The following FRMD1 variants were observed in gnomAD, a reference collection of about 807,000 sequenced individuals.
FRMD1 encodes the protein FERM domain containing 1.
Under a neutral mutation model 54.9 loss-of-function variants are expected in FRMD1, and 51 were observed. The observed-to-expected ratio is 0.93, with a 90% confidence interval of 0.74 to 1.17. The LOEUF is 1.17. FRMD1 is among the 50% of genes most tolerant of loss of function. The pLI, the probability that FRMD1 is intolerant of heterozygous loss-of-function variation, is 0.00. For missense variants in FRMD1, 729 were observed against 743.0 expected (o/e 0.98, Z 0.22); for synonymous variants, 324 against 306.4 (o/e 1.06, Z -0.60).
chr6:168,073,850 C>T (rs948685735), intron 2 of FRMD1, among the ~76,000 whole-genome samples: 5 of 152,146 alleles, frequency 3.3e-5, no homozygotes, highest in Admixed American at 1.3e-4. Flanking sequence ...CCGGCTCACT[C>T]ACTCCCCTAG....
intron 1 of FRMD1, chr6:168,075,729 GGT>G (rs1562426971): frequency 6.5e-7 from 1 of 1,536,532 alleles, no homozygotes; most frequent in East Asian, 2.5e-5. Flanking sequence ...CGCGAGCATC[GGT>G]GTCTCACATC....
In FRMD1 at chr6:168,060,997, C is replaced by G; in HGVS notation, c.1106G>C (p.Arg369Thr). 14 of 1,613,190 alleles carry G rather than the reference C, an allele frequency of 8.7e-6. No individual in the cohort carries two copies. The highest frequency in any genetic ancestry group is 1.1e-5 in the Non-Finnish European group (13 of 1,179,988). ...SDELELDLAS[R>T]SFPGSGVSSQ... ...GCTGACCCCACTGCCCGGGAAGCTCCTGCTGGCCAGGTCCAGCTCCAGCTC... is the reference window on the plus strand; with the variant it reads ...GCTGACCCCACTGCCCGGGAAGCTCGTGCTGGCCAGGTCCAGCTCCAGCTC... The change falls in exon 9 of 11, where the codon AGG becomes ACG. Residue 369 changes from arginine to threonine, a missense_variant. Coordinates refer to ENST00000283309, the MANE Select transcript of FRMD1 (RefSeq NM_024919.6).
upstream of FRMD1, among the ~76,000 whole-genome samples, chr6:168,083,472 G>A (rs1800871280): frequency 6.6e-6 from 1 of 152,260 alleles, no homozygotes; most frequent in Non-Finnish European, 1.5e-5. Flanking sequence ...TAAGTGCCAT[G>A]AAACCAGAAC....
At position 168,055,014 on chromosome 6, in the gene FRMD1, CT is replaced by C. The variant is rs1308387539; in HGVS notation, c.*2082del. ...TACCCTGAACACCAGAGATTAGAGT[CT>C]TTGGAGCAGCCCTACCCGGTAGTTA... On this transcript the variant is annotated 3_prime_UTR_variant, in exon 11 of 11. Transcript: ENST00000283309. 1.3e-5 allele frequency: 2 copies of C among 152,242 alleles called. No homozygotes were observed. The highest frequency in any genetic ancestry group is 2.9e-5 in the Non-Finnish European group (2 of 68,054). 9.4% of individuals were successfully genotyped at this position (152,242 alleles called of 1,614,324 possible).
intron 1 of FRMD1, among the ~76,000 whole-genome samples, chr6:168,088,735 C>T (rs760027771): frequency 1.3e-5 from 2 of 152,062 alleles, no homozygotes; most frequent in Non-Finnish European, 2.9e-5. Context: ...GACAGAACCC[C>T]CAGGCTACCC....
intron 7 of FRMD1, 181 bp downstream of exon 7, chr6:168,062,713 C>G: frequency 6.4e-7 from 1 of 1,552,818 alleles, no homozygotes; most frequent in Non-Finnish European, 8.7e-7. Flanking sequence ...GGAGGTCGTA[C>G]AGCAGCTGCG....
chr6:168,082,214 C>T (rs1238337077), upstream of FRMD1, among the ~76,000 whole-genome samples: 1 of 152,266 alleles, frequency 6.6e-6, no homozygotes. Flanking sequence ...TTCTGCACGT[C>T]ACAGACCCAG....
At chr6:168,086,249 C>G (rs958565937), upstream of FRMD1, among the ~76,000 whole-genome samples, 1 of 147,108 alleles carries the variant, frequency 6.8e-6, no homozygotes, top group African/African-American at 2.7e-5. Flanking sequence ...GTGTGGACAC[C>G]CGCGTCCCCA....
chr6:168,065,195 C>A lies in FRMD1; in HGVS notation c.462-138G>T, dbSNP rs115795889. On this transcript the variant is annotated intron_variant, in intron 4 of 10. Coordinates refer to ENST00000283309, the MANE Select transcript of FRMD1 (RefSeq NM_024919.6). ...GTACCTAGTTCCTGTCTTGTTATACCCACAGCTGTGTCCCTGCAGGGCCAG... is the reference window on the plus strand; with the variant it reads ...GTACCTAGTTCCTGTCTTGTTATACACACAGCTGTGTCCCTGCAGGGCCAG... 1.1e-3 allele frequency: 1,518 copies of A among 1,427,490 alleles called. 13 individuals carry two copies. In the African/African-American group the frequency reaches 0.019, roughly 18 times the overall value. The allele number at this position is 1,427,490 out of a possible 1,614,324, so 88.4% of individuals were successfully genotyped here. A position where few individuals can be genotyped will look rare whatever the true frequency, so the allele number is the denominator to read the frequency against.
chr6:168,067,396 A>C lies in FRMD1; in HGVS notation c.355T>G (p.Ser119Ala), dbSNP rs1225590566. The change falls in exon 3 of 11, where the codon TCA becomes GCA. Residue 119 changes from serine (S) to alanine (A), a missense_variant. Ser to Ala is a moderately conservative substitution (Grantham distance 99, BLOSUM62 1). Coordinates refer to ENST00000283309, the MANE Select transcript of FRMD1 (RefSeq NM_024919.6). ...TTTCTTTCTTTCTTCCAATCTTTTG[A>C]GAAGTACTTGCTGAGCTTTTGCTCC... is the stretch of plus-strand genomic sequence containing the variant. ...DLEQKLSKYF[S>A]KDWKKERNEG... 6.2e-7 allele frequency: 1 copy of C among 1,605,986 alleles called. No individual in the cohort carries two copies.
At chr6:168,065,866 G>A in intron 4 of FRMD1, 1 of 1,000,206 alleles carries the variant, frequency 1.0e-6, no homozygotes. Flanking sequence ...AACCCCCTTA[G>A]GTTTTCCCCC....
chr6:168,057,555 C>T, intron 10 of FRMD1: 1 of 619,500 alleles, frequency 1.6e-6, no homozygotes, highest in South Asian at 2.0e-5. Context: ...AGGAGGCCCC[C>T]ACCTTGCCCA....
chr6:168,079,326 G>A (rs1048043330), upstream of FRMD1: 4 of 753,544 alleles, frequency 5.3e-6, no homozygotes, highest in Admixed American at 1.3e-4. Flanking sequence ...ACCTCAGGCT[G>A]GGCACCCGCC....
chr6:168,061,447 CAGGA>C (rs2114961355), intron 8 of FRMD1, among the ~76,000 whole-genome samples: 1 of 152,224 alleles, frequency 6.6e-6, no homozygotes, highest in East Asian at 1.9e-4. Context: ...GGATGTGGAA[CAGGA>C]AGGGAGACCA....
rs142137477 is a variant in FRMD1 at position 168,062,656 on chromosome 6, C to A, written c.870+238G>T. The A allele has an allele frequency of 8.9e-4, 1,386 of 1,549,852 alleles. 12 individuals carry two copies. In the African/African-American group the frequency reaches 0.016, roughly 18 times the overall value. On this transcript the variant is annotated intron_variant, in intron 7 of 10. Transcript: ENST00000283309. ...CCCAGGCTTTCCAGGGCACGGGGAC[C>A]CCCCAGACACCCACCAGAAATGCCA...
At chr6:168,068,373 A>G (rs968231585) in intron 2 of FRMD1, among the ~76,000 whole-genome samples, 2 of 152,198 alleles carry the variant, frequency 1.3e-5, no homozygotes, top group Admixed American at 1.3e-4. Context: ...GCTGCGACTT[A>G]AAGCAACGTA....
intron 3 of FRMD1, 57 bp downstream of exon 3, chr6:168,067,309 TG>T: frequency 8.8e-7 from 1 of 1,138,702 alleles, no homozygotes; most frequent in Non-Finnish European, 1.3e-6. Context: ...CGTGTCCCCG[TG>T]GCCCAGCACA....
At position 168,065,525 on chromosome 6, in the gene FRMD1, C is replaced by T. The variant is rs115861017; in HGVS notation, c.462-468G>A. On this transcript the variant is annotated intron_variant, in intron 4 of 10. Coordinates refer to ENST00000283309, the MANE Select transcript of FRMD1 (RefSeq NM_024919.6). The stretch of plus-strand genomic sequence containing the variant: ...TAATCACAGGCCAGGTGGAGGCTCG[C>T]CCAAGATGCAGGTGCAAGATCTTCT... The T allele has an allele frequency of 1.0e-3, 1,016 of 988,588 alleles. 4 individuals are homozygous for T. In the African/African-American group the frequency reaches 0.017, roughly 16 times the overall value. 61.2% of individuals were successfully genotyped at this position (988,588 alleles called of 1,614,324 possible).
At chr6:168,062,154 G>A (rs117855118) in intron 7 of FRMD1, among the ~76,000 whole-genome samples, 173 bp from the exon 8 acceptor site, 1,878 of 152,338 alleles carry the variant, frequency 0.012, 24 homozygotes, top group Middle Eastern at 0.024. Flanking sequence ...GCTCTGCTCC[G>A]CCCTTGCTTG....
Sources: allele counts gnomAD v4.1 joint callset (sites outside exome capture counted in the v4.1 genomes callset), GRCh38; gene constraint gnomAD v4.1.1; transcripts MANE v1.5; gene names NCBI Gene and HGNC (gene_info 2026-07-23, HGNC 2026-07-21).